The following ARID4A variants were observed in gnomAD, a reference collection of about 807,000 sequenced individuals.
The protein encoded by ARID4A is AT-rich interaction domain 4A.
In ARID4A, 39 loss-of-function variants were observed where a neutral mutation model predicts 148.6. The observed-to-expected ratio is 0.26, with a 90% confidence interval of 0.20 to 0.34. The LOEUF (loss-of-function observed/expected upper bound fraction) is 0.34. Among genes scored for constraint, ARID4A ranks in the 10% least tolerant of loss-of-function variants. The pLI is 1.00. For missense variants in ARID4A, 1,265 were observed against 1,449.1 expected, an observed-to-expected ratio of 0.87 and a Z score of 2.06; for synonymous variants, 475 against 481.2, an observed-to-expected ratio of 0.99 and a Z score of 0.17.
chr14:58,305,107 C>T (rs1398345352), intron 4 of ARID4A, 98 bp downstream of exon 4: 13 of 999,608 alleles, frequency 1.3e-5, no homozygotes, highest in Admixed American at 1.1e-4. Context: ...TTTATGAGAA[C>T]GTTAATCAGA....
chr14:58,359,926 C>T (rs1199951534), intron 18 of ARID4A, among the ~76,000 whole-genome samples: 2 of 152,030 alleles, frequency 1.3e-5, no homozygotes, highest in African/African-American at 2.4e-5. Flanking sequence ...ATTAGCCGGT[C>T]GTGGTGGCCG....
At chr14:58,317,050 G>A (rs1200232855) in intron 5 of ARID4A, among the ~76,000 whole-genome samples, 3 of 150,110 alleles carry the variant, frequency 2.0e-5, no homozygotes, top group Non-Finnish European at 3.0e-5. Context: ...AATATTAGCC[G>A]GGCGTGGTGA....
intron 5 of ARID4A, among the ~76,000 whole-genome samples, chr14:58,306,915 C>T (rs967025348): frequency 1.3e-5 from 2 of 152,092 alleles, no homozygotes; most frequent in African/African-American, 4.8e-5. Context: ...TATAGATGCT[C>T]CTAATATGAA....
In ARID4A at chr14:58,314,587, A is replaced by G. The variant is rs531799635; in HGVS notation, c.275-3955A>G. The stretch of plus-strand genomic sequence containing the variant: ...ACTACAAGCACCTGCCACCATACCC[A>G]GCTAATTTTTAATTTTTTTTTTGTA... On this transcript the variant is annotated intron_variant, in intron 5 of 23. Coordinates refer to ENST00000355431, the MANE Select transcript of ARID4A (RefSeq NM_002892.4). Among the ~76,000 whole-genome samples the G allele has an allele frequency of 6.4e-4, 97 of 151,832 alleles. No individual in the cohort carries two copies. The South Asian group carries it at 7.7e-3, about 12-fold the overall frequency.
At chr14:58,341,537 T>C (rs2034118541) in intron 11 of ARID4A, among the ~76,000 whole-genome samples, 2 of 152,258 alleles carry the variant, frequency 1.3e-5, no homozygotes, top group Non-Finnish European at 1.5e-5. Context: ...TCGTGTTATA[T>C]TGGCTTCTTT....
chr14:58,357,221 T>G (rs952546639), intron 17 of ARID4A, among the ~76,000 whole-genome samples: 3 of 152,198 alleles, frequency 2.0e-5, no homozygotes, highest in Non-Finnish European at 4.4e-5. Flanking sequence ...CTGAGCATGT[T>G]TAAGGTAGGC....
intron 5 of ARID4A, among the ~76,000 whole-genome samples, chr14:58,310,789 A>T (rs1381236635): frequency 1.3e-5 from 2 of 151,974 alleles, no homozygotes; most frequent in African/African-American, 4.8e-5. Context: ...ATTACATCAA[A>T]CTAAATAGCT....
Position 58,304,868 on chromosome 14 carries a change from A to G in ARID4A, c.118-76A>G, listed in dbSNP as rs969384679. On this transcript the variant is annotated intron_variant, in intron 3 of 23. Coordinates refer to ENST00000355431, the MANE Select transcript of ARID4A (RefSeq NM_002892.4). ...TGCTAAGAAAGCATAAATTAAAGAC[A>G]TTATTGTTATAGTGTTACTATAAAT... 8 of 1,214,876 alleles carry G rather than the reference A, an allele frequency of 6.6e-6. No homozygotes were observed. In the African/African-American group the frequency reaches 1.2e-4, roughly 18 times the overall value. 75.3% of individuals were successfully genotyped at this position (1,214,876 alleles called of 1,614,324 possible). A position where few individuals can be genotyped will look rare whatever the true frequency, so the allele number is the denominator to read the frequency against.
chr14:58,349,369 G>T (rs919908554), intron 15 of ARID4A, among the ~76,000 whole-genome samples: 1 of 151,890 alleles, frequency 6.6e-6, no homozygotes. Flanking sequence ...AAGTGCTGCC[G>T]GGCGCGGTGG....
intron 17 of ARID4A, among the ~76,000 whole-genome samples, chr14:58,357,352 T>C (rs1334783969): frequency 9.9e-5 from 15 of 152,210 alleles, no homozygotes. Context: ...AGCATCTGTA[T>C]AGGTAGTCAT....
intron 5 of ARID4A, among the ~76,000 whole-genome samples, chr14:58,316,602 C>T (rs1039268535): frequency 1.3e-5 from 2 of 152,004 alleles, no homozygotes; most frequent in African/African-American, 2.4e-5. Flanking sequence ...TTGTTTTAGA[C>T]GAAGTTTTGC....
chr14:58,321,343 T>C (rs1471202157), intron 7 of ARID4A, among the ~76,000 whole-genome samples: 1 of 152,210 alleles, frequency 6.6e-6, no homozygotes, highest in Admixed American at 6.5e-5. Context: ...TTAGCTATAA[T>C]GAAATTCTTT....
intron 15 of ARID4A, among the ~76,000 whole-genome samples, chr14:58,350,532 TCTG>T (rs2034588158): frequency 6.6e-6 from 1 of 152,180 alleles, no homozygotes; most frequent in South Asian, 2.1e-4. Flanking sequence ...TTCAAAGAAG[TCTG>T]CTCACTTTTT....
intron 9 of ARID4A, 147 bp downstream of exon 9, chr14:58,328,463 T>C (rs1038162755): frequency 2.0e-6 from 1 of 498,014 alleles, no homozygotes; most frequent in Non-Finnish European, 3.5e-6. Flanking sequence ...TTTTGACTTT[T>C]TGTAATGTAG....
At chr14:58,350,224 T>G (rs537804942) in intron 15 of ARID4A, among the ~76,000 whole-genome samples, 2 of 151,256 alleles carry the variant, frequency 1.3e-5, no homozygotes, top group Non-Finnish European at 2.9e-5. Flanking sequence ...TAGAAAGAAA[T>G]TAATTTCTTC....
intron 15 of ARID4A, among the ~76,000 whole-genome samples, chr14:58,349,980 G>T (rs559898629): frequency 1.3e-5 from 2 of 149,524 alleles, no homozygotes; most frequent in South Asian, 2.1e-4. Flanking sequence ...ATGGTGGTGC[G>T]CGCCTGTAGT....
chr14:58,358,170 AC>A (rs2034969828), intron 17 of ARID4A, among the ~76,000 whole-genome samples: 1 of 151,188 alleles, frequency 6.6e-6, no homozygotes, highest in Non-Finnish European at 1.5e-5. Flanking sequence ...ACAGAGTGAG[AC>A]CCTCTCTAAA....
chr14:58,370,482 A>G (rs2035556920), intron 23 of ARID4A, among the ~76,000 whole-genome samples: 1 of 151,988 alleles, frequency 6.6e-6, no homozygotes, highest in African/African-American at 2.4e-5. Context: ...TTTTTAGTAG[A>G]GATAGGGTTT....
chr14:58,305,692 G>A (rs1292862715), intron 4 of ARID4A, among the ~76,000 whole-genome samples: 1 of 152,096 alleles, frequency 6.6e-6, no homozygotes, highest in East Asian at 1.9e-4. Flanking sequence ...TTTCTTGAAG[G>A]CAATGTGATA....
Sources: gnomAD v4.1 joint callset for allele counts (sites outside exome capture counted in the v4.1 genomes callset) on GRCh38, gnomAD v4.1.1 for gene constraint, MANE v1.5 for transcripts, NCBI Gene and HGNC (gene_info 2026-07-23, HGNC 2026-07-21) for gene names.